Variants in BCAR3 observed in about 807,000 individuals in gnomAD.
BCAR3 encodes BCAR3 adaptor protein, NSP family member.
BCAR3 carries 37 observed loss-of-function variants against 80.1 expected under a neutral mutation model. The observed-to-expected ratio is 0.46, with a 90% confidence interval of 0.36 to 0.61. The LOEUF is 0.61. Among genes scored for constraint, BCAR3 ranks in the 20% least tolerant of loss-of-function variants. The pLI is 0.00. For missense variants in BCAR3, 978 were observed against 1,068.2 expected (o/e 0.92, Z 1.18); for synonymous variants, 389 against 418.9 (o/e 0.93, Z 0.87).
chr1:93,710,650 T>C (rs1347499967), intron 2 of BCAR3, among the ~76,000 whole-genome samples: 1 of 152,234 alleles, frequency 6.6e-6, no homozygotes, highest in Non-Finnish European at 1.5e-5. Flanking sequence ...TTTCGGTTTC[T>C]TCTGGTCCTG....
At chr1:93,790,473 T>C (rs1388076137) in intron 2 of BCAR3, among the ~76,000 whole-genome samples, 1 of 152,144 alleles carries the variant, frequency 6.6e-6, no homozygotes, top group Non-Finnish European at 1.5e-5. Context: ...CCAAAAATAT[T>C]TGATTATCAG....
chr1:93,623,297 A>AGG (rs60308754), intron 3 of BCAR3, among the ~76,000 whole-genome samples: 17 of 152,118 alleles, frequency 1.1e-4, no homozygotes, highest in African/African-American at 3.6e-4. Flanking sequence ...TAAAAATGTA[A>AGG]GGGGGGGAAT....
chr1:93,651,073 C>T (rs536637914), intron 2 of BCAR3, among the ~76,000 whole-genome samples: 19 of 152,266 alleles, frequency 1.2e-4, no homozygotes, highest in African/African-American at 4.6e-4. Flanking sequence ...AGAAAACCAG[C>T]AACCAGGTAG....
rs533365223 is a variant in BCAR3 at position 93,580,803 on chromosome 1, A to C, written c.1686+1498T>G. On this transcript the variant is annotated intron_variant, in intron 7 of 11. Transcript: ENST00000260502. ...AGTGACTTAATCTCTCTTAAGGATGAGGTTGCTTTGGGACCACCTATGAAC... is the reference window on the plus strand; with the variant it reads ...AGTGACTTAATCTCTCTTAAGGATGCGGTTGCTTTGGGACCACCTATGAAC... 2.0e-5 allele frequency among the ~76,000 whole-genome samples: 3 copies of C among 152,334 alleles called. No homozygotes were observed. The East Asian group carries it at 5.8e-4, about 29-fold the overall frequency.
chr1:93,703,817 G>C (rs1309014258), intron 3 of BCAR3, among the ~76,000 whole-genome samples: 5 of 152,142 alleles, frequency 3.3e-5, no homozygotes, highest in Non-Finnish European at 5.9e-5. Flanking sequence ...TGTCTGGTTG[G>C]GGGAGGCAGA....
intron 3 of BCAR3, among the ~76,000 whole-genome samples, chr1:93,632,155 T>C (rs997907508): frequency 1.3e-5 from 2 of 152,222 alleles, no homozygotes; most frequent in African/African-American, 2.4e-5. Context: ...AGCACTATCC[T>C]TGTGATTGTG....
chr1:93,644,849 T>G (rs541291327), intron 2 of BCAR3, among the ~76,000 whole-genome samples: 48 of 152,282 alleles, frequency 3.2e-4, no homozygotes, highest in African/African-American at 1.1e-3. Flanking sequence ...CCTGTTTTGG[T>G]TGATGGTCCT....
intron 1 of BCAR3, among the ~76,000 whole-genome samples, chr1:93,678,351 G>C (rs908950459): frequency 1.3e-5 from 2 of 152,176 alleles, no homozygotes; most frequent in East Asian, 3.9e-4. Flanking sequence ...TACATTCATG[G>C]AGGGTCTCCT....
chr1:93,613,274 T>C (rs1675008645), intron 3 of BCAR3, among the ~76,000 whole-genome samples: 3 of 152,216 alleles, frequency 2.0e-5, no homozygotes, highest in African/African-American at 4.8e-5. Context: ...TCTCTGAATA[T>C]TTTCATCAAA....
chr1:93,847,108 C>G (rs1237661258), exon 1 of BCAR3: 1 of 236,756 alleles, frequency 4.2e-6, no homozygotes, highest in Non-Finnish European at 8.9e-6. Context: ...GCCTCGGCCG[C>G]TCACAGGCGC....
chr1:93,654,740 T>C (rs1345399509), intron 2 of BCAR3, among the ~76,000 whole-genome samples: 1 of 152,188 alleles, frequency 6.6e-6, no homozygotes, highest in Non-Finnish European at 1.5e-5. Context: ...ACTACTCTTT[T>C]GCCCAGAATA....
intron 4 of BCAR3, among the ~76,000 whole-genome samples, chr1:93,591,211 A>G (rs1196909450): frequency 6.9e-6 from 1 of 144,920 alleles, no homozygotes; most frequent in Non-Finnish European, 1.5e-5. Flanking sequence ...ACAGTGACTC[A>G]TGCCTGTAAT....
chr1:93,801,467 T>C (rs573733031), intron 2 of BCAR3, among the ~76,000 whole-genome samples: 7 of 152,362 alleles, frequency 4.6e-5, no homozygotes, highest in Admixed American at 2.6e-4. Context: ...CCTTAGACTT[T>C]CTTCATTCAT....
At chr1:93,815,304 C>T (rs917367117) in intron 2 of BCAR3, among the ~76,000 whole-genome samples, 3 of 152,156 alleles carry the variant, frequency 2.0e-5, no homozygotes, top group African/African-American at 7.2e-5. Context: ...GGGAGAAGCT[C>T]AGAGACGGGG....
intron 2 of BCAR3, among the ~76,000 whole-genome samples, chr1:93,756,430 G>C (rs930305504): frequency 6.6e-6 from 1 of 152,152 alleles, no homozygotes; most frequent in African/African-American, 2.4e-5. Flanking sequence ...CGAATGGCTG[G>C]TGCTTCATGC....
chr1:93,723,019 C>A (rs1300214242), intron 2 of BCAR3, among the ~76,000 whole-genome samples: 2 of 152,118 alleles, frequency 1.3e-5, no homozygotes, highest in Non-Finnish European at 2.9e-5. Context: ...CTTGGGCAGA[C>A]CTCTAAGCTC....
intron 2 of BCAR3, among the ~76,000 whole-genome samples, chr1:93,727,332 A>G (rs1650630727): frequency 6.6e-6 from 1 of 152,184 alleles, no homozygotes. Flanking sequence ...TAGCTCCTAG[A>G]TAGGCACTTA....
intron 2 of BCAR3, among the ~76,000 whole-genome samples, chr1:93,654,886 C>T (rs1162318536): frequency 6.6e-6 from 1 of 152,142 alleles, no homozygotes; most frequent in Non-Finnish European, 1.5e-5. Flanking sequence ...GCTAATCTGG[C>T]TTTATTTTTT....
intron 7 of BCAR3, among the ~76,000 whole-genome samples, chr1:93,580,506 T>C (rs1442042768): frequency 7.1e-6 from 1 of 140,474 alleles, no homozygotes; most frequent in Admixed American, 7.0e-5. Flanking sequence ...GGATCAAAAA[T>C]ATTCAGGAAA....
Sources: allele counts gnomAD v4.1 joint callset (sites outside exome capture counted in the v4.1 genomes callset), GRCh38; gene constraint gnomAD v4.1.1; transcripts MANE v1.5; gene names NCBI Gene and HGNC (gene_info 2026-07-23, HGNC 2026-07-21).